The following TLN2 variants were observed in gnomAD, a reference collection of about 807,000 sequenced individuals.
TLN2 encodes talin 2.
A neutral mutation model predicts 294.7 loss-of-function variants in TLN2; 118 were observed. The ratio of observed to expected loss-of-function variants is 0.40; its 90% CI spans 0.34 to 0.47. The LOEUF (loss-of-function observed/expected upper bound fraction) is 0.47, where lower values mean the gene tolerates loss of function less well. Ranked by LOEUF, TLN2 falls within the 20% of genes least tolerant of loss-of-function variation. TLN2 has a pLI of 0.84. For missense variants in TLN2, 3,083 were observed against 3,282.2 expected (o/e 0.94, Z 1.48); for synonymous variants, 1,431 against 1,304.5 (o/e 1.10, Z -2.09).
chr15:62,673,929 C>G (rs754629547), intron 10 of TLN2, 39 bp downstream of exon 10: 1 of 1,540,264 alleles, frequency 6.5e-7, no homozygotes, highest in Admixed American at 1.7e-5. Flanking sequence ...TCTCCTCACT[C>G]CCCATCCTCA....
chr15:62,687,114 A>G (rs1449787457), intron 12 of TLN2, among the ~76,000 whole-genome samples: 1 of 152,164 alleles, frequency 6.6e-6, no homozygotes, highest in Non-Finnish European at 1.5e-5. Flanking sequence ...CCTAGCATAT[A>G]CTGAAAGGAA....
At position 62,701,220 on chromosome 15, in the gene TLN2, T is replaced by C. The variant is rs1382774039; in HGVS notation, c.1696+6T>C. ...AGTTGTTAACCTCACAGCTGGTAAG[T>C]CCCGGAGAGATTTGTGCTGCATTGG... On this transcript the variant is annotated splice_donor_region_variant and intron_variant, in intron 17 of 58. Transcript: ENST00000636159. The C allele has an allele frequency of 6.2e-7, 1 of 1,610,578 alleles. No individual in the cohort carries two copies. The highest frequency in any genetic ancestry group is 1.7e-5 in the Admixed American group (1 of 59,672).
chr15:62,827,760 A>C (rs1449052182), intron 54 of TLN2: 1 of 152,244 alleles, frequency 6.6e-6, no homozygotes, highest in African/African-American at 2.4e-5. Flanking sequence ...AACCTGAAAA[A>C]AACAATTTTT....
At position 62,830,029 on chromosome 15, in the gene TLN2, A is replaced by G. The variant is rs2068636162; in HGVS notation, c.7003-3475A>G. 2.0e-5 allele frequency: 3 copies of G among 151,956 alleles called. No individual in the cohort carries two copies. In the South Asian group the frequency reaches 6.2e-4, roughly 31 times the overall value. The allele number at this position is 151,956 out of a possible 1,614,324, so 9.4% of individuals were successfully genotyped here. Reference sequence around the variant, plus strand: ...ATCCTGTTTAATGAAATTGTTTTCTAAAGTTCCTTGCTTTAGCTTGATGCC... The same window carrying G: ...ATCCTGTTTAATGAAATTGTTTTCTGAAGTTCCTTGCTTTAGCTTGATGCC... On this transcript the variant is annotated intron_variant, in intron 54 of 58. Transcript: ENST00000636159.
At chr15:62,470,688 C>T (rs1404834151) in intron 1 of TLN2, among the ~76,000 whole-genome samples, 1 of 152,196 alleles carries the variant, frequency 6.6e-6, no homozygotes, top group Non-Finnish European at 1.5e-5. Flanking sequence ...CTGGGACAGC[C>T]CCCAGCCACT....
intron 41 of TLN2, among the ~76,000 whole-genome samples, chr15:62,768,826 C>T (rs1030896423): frequency 1.3e-5 from 2 of 152,182 alleles, no homozygotes; most frequent in Non-Finnish European, 1.5e-5. Flanking sequence ...TCCTATTTGG[C>T]GGTTAGCATG....
At chr15:62,694,295 C>A (rs1350270301) in intron 13 of TLN2, 21 bp from the exon 14 acceptor site, 1 of 1,613,410 alleles carries the variant, frequency 6.2e-7, no homozygotes, top group East Asian at 2.2e-5. Flanking sequence ...ATTTTTGCAT[C>A]TTGTTTTATT....
chr15:62,805,560 C>G, intron 50 of TLN2, 40 bp from the exon 51 acceptor site: 1 of 1,534,786 alleles, frequency 6.5e-7, no homozygotes, highest in Non-Finnish European at 8.8e-7. Flanking sequence ...TTTTTCGTTT[C>G]CTTTTTGATT....
At position 62,528,690 on chromosome 15, in the gene TLN2, T is replaced by TTTA. The variant is rs373017151; in HGVS notation, c.-237-60997_-237-60996insTTA. On this transcript the variant is annotated intron_variant, in intron 1 of 58. Coordinates refer to ENST00000636159, the MANE Select transcript of TLN2 (RefSeq NM_015059.3). ...GCTTGCTTTTTTTTTTTTTTTTTTT[T>TTTA]GGCATGTCTCAGGCAAACAAGTCGG... 5.6e-3 allele frequency among the ~76,000 whole-genome samples: 777 copies of TTTA among 138,644 alleles called. 9 individuals are homozygous for TTTA. The highest frequency in any genetic ancestry group is 0.02 in the African/African-American group (741 of 36,650). 91.0% of individuals were successfully genotyped at this position (138,644 alleles called of 152,430 possible).
chr15:62,424,248 A>G lies in TLN2; in HGVS notation c.-238+33563A>G, dbSNP rs116466079. Among the ~76,000 whole-genome samples, 385 of 152,234 alleles carry G rather than the reference A, an allele frequency of 2.5e-3. 3 individuals carry two copies. The highest frequency in any genetic ancestry group is 9.0e-3 in the African/African-American group (373 of 41,544). On this transcript the variant is annotated intron_variant, in intron 1 of 58. Transcript: ENST00000636159. ...TGATTGGGGTGGTTGTGGGGAGCCCACTCGTGTCATGATTTGCTGTACCCT... is the reference window on the plus strand; with the variant it reads ...TGATTGGGGTGGTTGTGGGGAGCCCGCTCGTGTCATGATTTGCTGTACCCT...
intron 3 of TLN2, among the ~76,000 whole-genome samples, chr15:62,629,002 G>T (rs1309120163): frequency 6.6e-6 from 1 of 152,178 alleles, no homozygotes; most frequent in Non-Finnish European, 1.5e-5. Context: ...TTTGCGACCA[G>T]CCTGGACAAT....
chr15:62,798,811 T>A (rs1376500828), intron 48 of TLN2, among the ~76,000 whole-genome samples: 1 of 152,180 alleles, frequency 6.6e-6, no homozygotes, highest in Non-Finnish European at 1.5e-5. Flanking sequence ...GAGGAAACAT[T>A]CCTTATGCTA....
chr15:62,803,110 G>A (rs966938965), intron 50 of TLN2, among the ~76,000 whole-genome samples: 4 of 152,108 alleles, frequency 2.6e-5, no homozygotes, highest in Non-Finnish European at 5.9e-5. Context: ...TGGAGTAAAT[G>A]TTTTTTTCCT....
At position 62,526,322 on chromosome 15, in the gene TLN2, TTTTC is replaced by T. The variant is rs1365051120; in HGVS notation, c.-237-63364_-237-63361del. Among the ~76,000 whole-genome samples, 11 of 151,970 alleles carry T rather than the reference TTTTC, an allele frequency of 7.2e-5. No homozygotes were observed. The East Asian group carries it at 1.9e-3, about 27-fold the overall frequency. Reference sequence around the variant, plus strand: ...GTTTTGTATTTTTAGTAGAGATGGGTTTTCACCATGTTGGCCAGGCTGGTCATTA... The same window carrying T: ...GTTTTGTATTTTTAGTAGAGATGGGTACCATGTTGGCCAGGCTGGTCATTA... On this transcript the variant is annotated intron_variant, in intron 1 of 58. Transcript: ENST00000636159.
intron 1 of TLN2, among the ~76,000 whole-genome samples, chr15:62,567,121 C>T (rs1276632934): frequency 2.6e-5 from 4 of 152,166 alleles, no homozygotes; most frequent in Non-Finnish European, 5.9e-5. Context: ...TTCTCAAATT[C>T]TTGTAAACAG....
intron 46 of TLN2, among the ~76,000 whole-genome samples, chr15:62,794,009 GGAGGAAGGC>G (rs2065271444): frequency 6.6e-6 from 1 of 151,882 alleles, no homozygotes; most frequent in South Asian, 2.1e-4. Context: ...TCTCTCAGCT[GGAGGAAGGC>G]ATTTGCCTTC....
intron 2 of TLN2, among the ~76,000 whole-genome samples, chr15:62,601,646 T>C (rs2140782311): frequency 6.6e-6 from 1 of 152,326 alleles, no homozygotes; most frequent in South Asian, 2.1e-4. Context: ...AGTGGTATTC[T>C]AATTCTATCA....
intron 45 of TLN2, 67 bp from the exon 46 acceptor site, chr15:62,792,574 G>A: frequency 2.5e-6 from 4 of 1,573,514 alleles, no homozygotes; most frequent in Admixed American, 1.8e-5. Context: ...AATTTTCCAC[G>A]TAGGGAAGGC....
At chr15:62,746,499 A>G (rs1230031863) in intron 32 of TLN2, among the ~76,000 whole-genome samples, 2 of 152,178 alleles carry the variant, frequency 1.3e-5, no homozygotes, top group Non-Finnish European at 2.9e-5. Flanking sequence ...TCTTACAAAA[A>G]CTATTTTAGA....
Sources: allele counts gnomAD v4.1 joint callset (sites outside exome capture counted in the v4.1 genomes callset), GRCh38; gene constraint gnomAD v4.1.1; transcripts MANE v1.5; gene names NCBI Gene and HGNC (gene_info 2026-07-23, HGNC 2026-07-21).